The following SGCE variants were observed in gnomAD, a reference collection of about 807,000 sequenced individuals.
The protein encoded by SGCE is sarcoglycan epsilon, also known as epsilon-sarcoglycan.
SGCE carries 26 observed loss-of-function variants against 57.8 expected under a neutral mutation model. The ratio of observed to expected loss-of-function variants is 0.45; its 90% CI spans 0.33 to 0.62. SGCE has a LOEUF of 0.62. Ranked by LOEUF, SGCE falls within the 20% of genes least tolerant of loss-of-function variation. SGCE has a pLI of 0.02. For synonymous variants in SGCE, 183 were observed against 189.5 expected (o/e 0.97, Z 0.28); for missense variants, 468 against 548.6 (o/e 0.85, Z 1.47).
In SGCE at chr7:94,601,556, T is replaced by A. The variant is rs374468676; in HGVS notation, c.826-699A>T. 9.9e-5 allele frequency among the ~76,000 whole-genome samples: 15 copies of A among 151,138 alleles called. No homozygotes were observed. In the East Asian group the frequency reaches 1.4e-3, roughly 14 times the overall value. On this transcript the variant is annotated intron_variant, in intron 6 of 10. Transcript: ENST00000648936. ...TGAGTTGCATTTAATTATGCTAAGG[T>A]TTTTATTGAAGGACACTAAAAATAT...
rs910079316 is a variant in SGCE, at chr7:94,585,074, T to A, written c.*425A>T. 2 of 161,698 alleles carry A rather than the reference T, an allele frequency of 1.2e-5. No homozygotes were observed. Among genetic ancestry groups the A allele is most frequent in the African/African-American group, 2.4e-5 (1 of 41,664 alleles). The allele number at this position is 161,698 out of a possible 1,614,324, so 10.0% of individuals were successfully genotyped here. ...GTATTATTTAAATGGGTTGCTCAAC[T>A]GGAACACGGAGGCACAGGCATTTTA... On this transcript the variant is annotated 3_prime_UTR_variant, in exon 11 of 11. Transcript: ENST00000648936.
chr7:94,639,722 A>G lies in SGCE; in HGVS notation c.110-9881T>C, dbSNP rs371498518. On this transcript the variant is annotated intron_variant, in intron 1 of 10. Coordinates refer to ENST00000648936, the MANE Select transcript of SGCE (RefSeq NM_003919.3). ...TACATATACATACATACACATATAT[A>G]CACACACACATATATAATAAATCAT... 9.9e-5 allele frequency among the ~76,000 whole-genome samples: 15 copies of G among 152,228 alleles called. 1 individual carries two copies. The East Asian group carries it at 1.3e-3, about 14-fold the overall frequency.
At chr7:94,642,492 A>G (rs926307301) in intron 1 of SGCE, among the ~76,000 whole-genome samples, 2 of 152,182 alleles carry the variant, frequency 1.3e-5, no homozygotes, top group Admixed American at 6.5e-5. Flanking sequence ...CAAAATATAC[A>G]TAGTAAAAAA....
intron 3 of SGCE, chr7:94,624,549 A>G: frequency 4.1e-6 from 1 of 244,688 alleles, no homozygotes; most frequent in Non-Finnish European, 7.7e-6. Flanking sequence ...CTGTTGGGAC[A>G]CATGATCAAT....
At chr7:94,651,854 T>C (rs1807916543) in intron 1 of SGCE, among the ~76,000 whole-genome samples, 1 of 152,156 alleles carries the variant, frequency 6.6e-6, no homozygotes, top group Admixed American at 6.5e-5. Flanking sequence ...TCTGATCCTA[T>C]CAACCTGAAA....
intron 9 of SGCE, chr7:94,597,100 C>T (rs1007845747): frequency 6.6e-6 from 1 of 152,002 alleles, no homozygotes; most frequent in Non-Finnish European, 1.5e-5. Context: ...CTACTGACCA[C>T]CAGAGAGCAT....
At chr7:94,636,430 T>G (rs1041338705) in intron 1 of SGCE, among the ~76,000 whole-genome samples, 1 of 152,210 alleles carries the variant, frequency 6.6e-6, no homozygotes, top group African/African-American at 2.4e-5. Flanking sequence ...TTGCATGCAT[T>G]TGCTCTCTTG....
At chr7:94,604,217 T>C (rs1334569067) in intron 5 of SGCE, among the ~76,000 whole-genome samples, 6 of 152,112 alleles carry the variant, frequency 3.9e-5, no homozygotes, top group Non-Finnish European at 8.8e-5. Context: ...AGGAATCTCA[T>C]TGGCCTTTCA....
At chr7:94,587,685 G>A in intron 10 of SGCE, 2 of 1,529,340 alleles carry the variant, frequency 1.3e-6, no homozygotes, top group Non-Finnish European at 1.8e-6. Context: ...AAACATGTTA[G>A]CATTTAATTA....
intron 9 of SGCE, among the ~76,000 whole-genome samples, chr7:94,593,558 C>T (rs1223541147): frequency 6.6e-6 from 1 of 151,808 alleles, no homozygotes; most frequent in East Asian, 1.9e-4. Context: ...TGTCCCTTTC[C>T]CCAAGCATAA....
chr7:94,627,959 G>A lies in SGCE; in HGVS notation c.390+243C>T, dbSNP rs883176. The A allele has an allele frequency of 0.15, 70,176 of 477,016 alleles. 5,697 individuals carry two copies. Among genetic ancestry groups the A allele is most frequent in the East Asian group, 0.23 (6,651 of 28,474 alleles). The allele number at this position is 477,016 out of a possible 1,614,324, so 29.5% of individuals were successfully genotyped here. A position where few individuals can be genotyped will look rare whatever the true frequency, so the allele number is the denominator to read the frequency against. On this transcript the variant is annotated intron_variant, in intron 3 of 10. Transcript: ENST00000648936. ...TTCATATTATAATAATCTCTTTTAA[G>A]GTCATATTTTTTTCACAAATTTAGA...
intron 3 of SGCE, chr7:94,626,646 C>T (rs1159896183): frequency 6.6e-6 from 1 of 151,766 alleles, no homozygotes; most frequent in Non-Finnish European, 1.5e-5. Context: ...TGATGGTTTC[C>T]ATTTCTTCTT....
Position 94,587,942 on chromosome 7 carries a change from C to A in SGCE, c.1297+747G>T, listed in dbSNP as rs118078297. 499 of 1,424,906 alleles carry A rather than the reference C, an allele frequency of 3.5e-4. 5 individuals carry two copies. In the East Asian group the frequency reaches 0.013, roughly 37 times the overall value. The allele number at this position is 1,424,906 out of a possible 1,614,324, so 88.3% of individuals were successfully genotyped here. On this transcript the variant is annotated intron_variant, in intron 10 of 10. Transcript: ENST00000648936. ...CCCTACCACAATGCCGCTATTCATACTCAGAATTCCACACCCAACTTACAT... is the reference window on the plus strand; with the variant it reads ...CCCTACCACAATGCCGCTATTCATAATCAGAATTCCACACCCAACTTACAT...
chr7:94,591,971 T>C (rs1328906169), intron 9 of SGCE, among the ~76,000 whole-genome samples: 5 of 152,160 alleles, frequency 3.3e-5, no homozygotes, highest in Non-Finnish European at 7.4e-5. Context: ...CAAAGGAAAC[T>C]TAGATGAGTT....
intron 5 of SGCE, among the ~76,000 whole-genome samples, chr7:94,604,426 A>C (rs533123866): frequency 6.6e-6 from 1 of 152,040 alleles, no homozygotes; most frequent in Non-Finnish European, 1.5e-5. Flanking sequence ...ACACACACAC[A>C]CACACACAAA....
chr7:94,600,257 A>G (rs1357316), intron 7 of SGCE: 1 of 210,056 alleles, frequency 4.8e-6, no homozygotes, highest in South Asian at 8.1e-5. Flanking sequence ...AATGATTTCA[A>G]GAGTTTTGAC....
intron 3 of SGCE, chr7:94,625,481 T>C (rs1803556564): frequency 6.6e-6 from 1 of 152,116 alleles, no homozygotes; most frequent in East Asian, 1.9e-4. Flanking sequence ...CATGTGTTTC[T>C]CTCCTAGCCT....
At position 94,588,709 on chromosome 7, in the gene SGCE, A is replaced by G. The variant is rs1023091295; in HGVS notation, c.1277T>C (p.Ile426Thr). The change falls in exon 10 of 11, where the codon ATT becomes ACT. Residue 426 changes from isoleucine (I) to threonine (T), a missense_variant. By Grantham distance (89) the Ile-to-Thr change is moderately conservative. Coordinates refer to ENST00000648936, the MANE Select transcript of SGCE (RefSeq NM_003919.3). ...CTCACCTGTAGTCTGCTGTTGGGGA[A>G]TCTGAGTCTGATGTGGCAAGTTCCT... ...TQQNLPHQTQIPQQQTTGKWY... is the reference protein window; with the variant it reads ...TQQNLPHQTQTPQQQTTGKWY... 1.9e-6 allele frequency: 3 copies of G among 1,609,688 alleles called. No homozygotes were observed. The highest frequency in any genetic ancestry group is 1.1e-5 in the South Asian group (1 of 90,990).
intron 5 of SGCE, among the ~76,000 whole-genome samples, chr7:94,609,049 AG>A: frequency 6.6e-6 from 1 of 152,332 alleles, no homozygotes; most frequent in South Asian, 2.1e-4. Context: ...AATCCATGAA[AG>A]AAAGAATTGA....
Sources: gnomAD v4.1 joint callset for allele counts (sites outside exome capture counted in the v4.1 genomes callset) on GRCh38, gnomAD v4.1.1 for gene constraint, MANE v1.5 for transcripts, NCBI Gene and HGNC (gene_info 2026-07-23, HGNC 2026-07-21) for gene names.